Variants in PTER observed in about 807,000 individuals in gnomAD.
PTER encodes the protein phosphotriesterase related.
Under a neutral mutation model 29.6 loss-of-function variants are expected in PTER, and 38 were observed. The ratio of observed to expected loss-of-function variants is 1.28; its 90% confidence interval spans 0.99 to 1.68. PTER has a LOEUF of 1.68. Ranked by LOEUF, PTER falls within the 40% of genes most tolerant of loss-of-function variation. PTER has a pLI of 0.00. For missense variants in PTER, 482 were observed against 427.8 expected, an observed-to-expected ratio of 1.13 and a Z score of -1.12; for synonymous variants, 172 against 154.5, an observed-to-expected ratio of 1.11 and a Z score of -0.84.
intron 1 of PTER, among the ~76,000 whole-genome samples, chr10:16,458,897 T>C (rs1834506432): frequency 6.6e-6 from 1 of 152,160 alleles, no homozygotes; most frequent in Non-Finnish European, 1.5e-5. Context: ...ATAAAGCACC[T>C]TACCTCCCTC....
intron 1 of PTER, among the ~76,000 whole-genome samples, chr10:16,458,313 G>A (rs1193851612): frequency 6.6e-6 from 1 of 151,970 alleles, no homozygotes; most frequent in Non-Finnish European, 1.5e-5. Context: ...TGATTTCTCT[G>A]GAGAATCTAT....
Position 16,486,426 on chromosome 10 carries a change from A to T in PTER, c.507A>T (p.Glu169Asp). The change falls in exon 3 of 5, where the codon GAA becomes GAT. Residue 169 changes from glutamate (E) to aspartate (D), a missense_variant. Glu to Asp is a conservative substitution (Grantham distance 45). Transcript: ENST00000535784. ...GTATCAAGTGTGGCATTATTGGAGA[A>T]ATTGGTTGCTCCTGGCCTTTGACTG... Reference protein sequence around the residue: ...GTSIKCGIIGEIGCSWPLTES... With the variant: ...GTSIKCGIIGDIGCSWPLTES... The T allele has an allele frequency of 6.2e-7, 1 of 1,614,078 alleles. No individual in the cohort carries two copies.
chr10:16,449,143 A>G (rs1160736063), intron 1 of PTER, among the ~76,000 whole-genome samples: 1 of 152,196 alleles, frequency 6.6e-6, no homozygotes, highest in Non-Finnish European at 1.5e-5. Flanking sequence ...CCAGGGATGC[A>G]ATATTGTTTT....
chr10:16,453,867 C>G (rs1385209438), intron 1 of PTER, among the ~76,000 whole-genome samples: 2 of 152,188 alleles, frequency 1.3e-5, no homozygotes, highest in African/African-American at 2.4e-5. Flanking sequence ...TAACATCTTT[C>G]CACATAGACT....
intron 1 of PTER, among the ~76,000 whole-genome samples, chr10:16,456,863 G>T (rs181917398): frequency 0.015 from 774 of 49,942 alleles, 47 homozygotes; most frequent in African/African-American, 0.14. Context: ...TGGGGAAGGT[G>T]GGGGGGGGTT....
downstream of PTER, among the ~76,000 whole-genome samples, chr10:16,515,088 G>A (rs1836929081): frequency 6.6e-6 from 1 of 151,996 alleles, no homozygotes; most frequent in South Asian, 2.1e-4. Context: ...AAGCCAGATA[G>A]CAATATTCTA....
chr10:16,488,310 T>G (rs554686120), intron 3 of PTER, among the ~76,000 whole-genome samples: 34 of 152,308 alleles, frequency 2.2e-4, no homozygotes, highest in African/African-American at 7.5e-4. Flanking sequence ...CTTGGACAGC[T>G]TAATTTGAAT....
chr10:16,463,994 C>T (rs1834719288), intron 1 of PTER, among the ~76,000 whole-genome samples: 1 of 152,132 alleles, frequency 6.6e-6, no homozygotes, highest in African/African-American at 2.4e-5. Flanking sequence ...TCCGGTCTTC[C>T]ACTGTTTTTG....
chr10:16,457,271 G>A (rs1834438434), intron 1 of PTER, among the ~76,000 whole-genome samples: 1 of 152,004 alleles, frequency 6.6e-6, no homozygotes, highest in African/African-American at 2.4e-5. Flanking sequence ...GGAGTGCAGT[G>A]GCGCGATCTC....
At chr10:16,502,655 C>A (rs10466288) in intron 3 of PTER, among the ~76,000 whole-genome samples, 79,431 of 151,686 alleles carry the variant, frequency 0.52, 21,357 homozygotes, top group East Asian at 0.83. Context: ...TTCCCGCACC[C>A]GTGGCACAGG....
chr10:16,468,917 A>G (rs1031721930), intron 1 of PTER, among the ~76,000 whole-genome samples: 27 of 151,902 alleles, frequency 1.8e-4, no homozygotes, highest in African/African-American at 2.4e-4. Context: ...TGAGGCTGCA[A>G]TGAGCTACGA....
chr10:16,483,820 C>A (rs1031713091), intron 1 of PTER, among the ~76,000 whole-genome samples: 2 of 151,910 alleles, frequency 1.3e-5, no homozygotes, highest in African/African-American at 4.8e-5. Flanking sequence ...CCACTGCACT[C>A]TAACCTGGGC....
At chr10:16,487,924 G>A (rs947862515) in intron 3 of PTER, among the ~76,000 whole-genome samples, 1 of 152,116 alleles carries the variant, frequency 6.6e-6, no homozygotes, top group African/African-American at 2.4e-5. Flanking sequence ...TTATGAGGCT[G>A]CAGTGAACCA....
chr10:16,480,719 A>G (rs1017078447), intron 1 of PTER, among the ~76,000 whole-genome samples: 9 of 152,308 alleles, frequency 5.9e-5, no homozygotes, highest in African/African-American at 2.2e-4. Flanking sequence ...ATCTACATAG[A>G]CGGAATCATC....
chr10:16,511,805 T>G lies in PTER; in HGVS notation c.*549T>G, dbSNP rs1836820440. The G allele has an allele frequency of 1.3e-5, 2 of 155,938 alleles. No individual in the cohort carries two copies. The highest frequency in any genetic ancestry group is 4.8e-5 in the African/African-American group (2 of 41,470). The allele number at this position is 155,938 out of a possible 1,614,324, so 9.7% of individuals were successfully genotyped here. ...TACCAATTCACAATGATAAAAATATTTTGAAAGGTTAATTTTATACTGTCC... is the reference window on the plus strand; with the variant it reads ...TACCAATTCACAATGATAAAAATATGTTGAAAGGTTAATTTTATACTGTCC... On this transcript the variant is annotated 3_prime_UTR_variant, in exon 5 of 5. Transcript: ENST00000535784.
intron 1 of PTER, among the ~76,000 whole-genome samples, chr10:16,455,305 A>G (rs1588589144): frequency 6.6e-6 from 1 of 152,050 alleles, no homozygotes; most frequent in Non-Finnish European, 1.5e-5. Flanking sequence ...AAAAAGAGAA[A>G]CTTCTGAGCA....
intron 3 of PTER, among the ~76,000 whole-genome samples, chr10:16,493,262 A>G (rs907672591): frequency 4.6e-5 from 7 of 152,216 alleles, no homozygotes; most frequent in African/African-American, 1.7e-4. Context: ...TTCAAAAACA[A>G]TTCCAAGCAA....
chr10:16,453,510 C>T (rs559548062), intron 1 of PTER, among the ~76,000 whole-genome samples: 49 of 152,174 alleles, frequency 3.2e-4, no homozygotes, highest in Middle Eastern at 6.8e-3. Flanking sequence ...TGTATACTTG[C>T]GCCTCTATTC....
At chr10:16,454,475 C>T (rs1440596849) in intron 1 of PTER, among the ~76,000 whole-genome samples, 1 of 151,740 alleles carries the variant, frequency 6.6e-6, no homozygotes, top group Non-Finnish European at 1.5e-5. Flanking sequence ...ACTTAGGAGG[C>T]TGAGACATGA....
Sources: gnomAD v4.1 joint callset for allele counts (sites outside exome capture counted in the v4.1 genomes callset) on GRCh38, gnomAD v4.1.1 for gene constraint, MANE v1.5 for transcripts, NCBI Gene and HGNC (gene_info 2026-07-23, HGNC 2026-07-21) for gene names.